SEMA5A: variants seen among roughly 807,000 people sequenced by gnomAD.
SEMA5A encodes the protein semaphorin-5A.
Under a neutral mutation model 135.5 loss-of-function variants are expected in SEMA5A, and 55 were observed. The ratio of observed to expected loss-of-function variants is 0.41; its 90% confidence interval spans 0.33 to 0.51. SEMA5A has a LOEUF of 0.51. SEMA5A is among the 20% of genes least tolerant of loss of function. SEMA5A has a pLI of 0.37. For missense variants in SEMA5A, 1,290 were observed against 1,419.9 expected (o/e 0.91, Z 1.47); for synonymous variants, 580 against 546.5 (o/e 1.06, Z -0.85).
chr5:9,089,263 G>A (rs764269232), intron 16 of SEMA5A, among the ~76,000 whole-genome samples: 30 of 152,136 alleles, frequency 2.0e-4, no homozygotes, highest in Non-Finnish European at 3.5e-4. Context: ...GAAAACAAGC[G>A]GCCATCCCTT....
At chr5:9,401,205 C>T (rs1250876685) in intron 2 of SEMA5A, among the ~76,000 whole-genome samples, 1 of 152,170 alleles carries the variant, frequency 6.6e-6, no homozygotes, top group South Asian at 2.1e-4. Context: ...CTGGAAGACC[C>T]AGTGAGCATG....
intron 1 of SEMA5A, among the ~76,000 whole-genome samples, chr5:9,507,514 G>A (rs1315303856): frequency 6.6e-6 from 1 of 152,158 alleles, no homozygotes; most frequent in Non-Finnish European, 1.5e-5. Flanking sequence ...GCCCTTTACA[G>A]GTTGTACTCC....
At chr5:9,409,767 C>A (rs189454281) in intron 2 of SEMA5A, among the ~76,000 whole-genome samples, 1 of 151,960 alleles carries the variant, frequency 6.6e-6, no homozygotes, top group African/African-American at 2.4e-5. Flanking sequence ...GGCATTAGAT[C>A]GGGGGGCTGT....
chr5:9,139,149 T>G (rs1031364340), intron 12 of SEMA5A, among the ~76,000 whole-genome samples: 7 of 152,220 alleles, frequency 4.6e-5, no homozygotes, highest in African/African-American at 1.7e-4. Flanking sequence ...GTGGTTCTAC[T>G]TTTAGTTCTT....
rs1461690892 is a variant in SEMA5A at position 9,424,194 on chromosome 5, G to A, written c.-78+13562C>T. On this transcript the variant is annotated intron_variant, in intron 2 of 22. Coordinates refer to ENST00000382496, the MANE Select transcript of SEMA5A (RefSeq NM_003966.3). ...TGTGAGAAAAAAAAAGGCAAAATAA[G>A]TGCTGAAAGGAACTCACATCAAATA... 3.9e-5 allele frequency among the ~76,000 whole-genome samples: 6 copies of A among 152,148 alleles called. No individual in the cohort carries two copies. In the East Asian group the frequency reaches 7.7e-4, roughly 20 times the overall value.
chr5:9,303,035 C>G (rs1012211865), intron 5 of SEMA5A, among the ~76,000 whole-genome samples: 2 of 151,874 alleles, frequency 1.3e-5, no homozygotes, highest in Non-Finnish European at 2.9e-5. Context: ...ATGGAAACAA[C>G]CACTTGCTAA....
intron 12 of SEMA5A, among the ~76,000 whole-genome samples, chr5:9,154,113 G>GTGTA (rs201260050): frequency 0.12 from 15,933 of 131,364 alleles, 1,653 homozygotes; most frequent in Non-Finnish European, 0.18. Context: ...GTGTATGTGT[G>GTGTA]TGTATGTATG....
chr5:9,235,622 C>T (rs1747865459), intron 6 of SEMA5A, among the ~76,000 whole-genome samples: 1 of 150,468 alleles, frequency 6.6e-6, no homozygotes, highest in Non-Finnish European at 1.5e-5. Flanking sequence ...GGTGGGGCCC[C>T]TCAGGTCTGG....
At chr5:9,476,987 G>A (rs953613136) in intron 1 of SEMA5A, among the ~76,000 whole-genome samples, 4 of 151,970 alleles carry the variant, frequency 2.6e-5, no homozygotes, top group African/African-American at 4.8e-5. Flanking sequence ...ATCTCATCTC[G>A]AAGTTTAATC....
At chr5:9,434,411 C>G (rs964662949) in intron 2 of SEMA5A, among the ~76,000 whole-genome samples, 2 of 152,026 alleles carry the variant, frequency 1.3e-5, no homozygotes, top group African/African-American at 4.8e-5. Flanking sequence ...TGAGCATTCA[C>G]TACATTAATG....
At chr5:9,234,827 C>T (rs1747813952) in intron 6 of SEMA5A, among the ~76,000 whole-genome samples, 1 of 152,104 alleles carries the variant, frequency 6.6e-6, no homozygotes, top group African/African-American at 2.4e-5. Context: ...ATTTGTTTCC[C>T]TCATTTGCTT....
intron 12 of SEMA5A, among the ~76,000 whole-genome samples, chr5:9,150,864 G>T (rs535369093): frequency 7.9e-5 from 12 of 152,332 alleles, no homozygotes; most frequent in African/African-American, 2.9e-4. Flanking sequence ...GTACTGACCA[G>T]CTCTGCCTCT....
At chr5:9,108,738 T>C (rs1329545803) in intron 15 of SEMA5A, among the ~76,000 whole-genome samples, 7 of 152,186 alleles carry the variant, frequency 4.6e-5, no homozygotes, top group Admixed American at 3.3e-4. Context: ...CCCATAGTTA[T>C]ATTAGGATAA....
chr5:9,431,532 G>A (rs10041870), intron 2 of SEMA5A, among the ~76,000 whole-genome samples: 78,807 of 151,850 alleles, frequency 0.52, 21,494 homozygotes, highest in Middle Eastern at 0.64. Context: ...AAACACACAT[G>A]AAACCCCCAC....
chr5:9,446,936 A>T (rs771037168), intron 1 of SEMA5A, among the ~76,000 whole-genome samples: 1 of 152,234 alleles, frequency 6.6e-6, no homozygotes, highest in Non-Finnish European at 1.5e-5. Context: ...CACATCTGAC[A>T]CCAAACCTTT....
chr5:9,149,420 G>C (rs1742511982), intron 12 of SEMA5A, among the ~76,000 whole-genome samples: 1 of 152,164 alleles, frequency 6.6e-6, no homozygotes, highest in Admixed American at 6.5e-5. Context: ...GAGGTGGGTG[G>C]ATCACCTGAG....
At chr5:9,371,299 G>A (rs40654) in intron 3 of SEMA5A, among the ~76,000 whole-genome samples, 38,134 of 151,822 alleles carry the variant, frequency 0.25, 4,993 homozygotes, top group African/African-American at 0.31. Context: ...AACCATTTTC[G>A]TCAGTCTAAT....
At chr5:9,462,233 T>TCA in intron 1 of SEMA5A, among the ~76,000 whole-genome samples, 1 of 152,258 alleles carries the variant, frequency 6.6e-6, no homozygotes, top group African/African-American at 2.4e-5. Flanking sequence ...GATCTCAACA[T>TCA]CACTGATCGT....
intron 16 of SEMA5A, among the ~76,000 whole-genome samples, chr5:9,088,538 G>C (rs1268305472): frequency 6.7e-6 from 1 of 149,462 alleles, no homozygotes; most frequent in Non-Finnish European, 1.5e-5. Flanking sequence ...TATTCAGATA[G>C]TACATTACAA....
Sources: allele counts gnomAD v4.1 joint callset (sites outside exome capture counted in the v4.1 genomes callset), GRCh38; gene constraint gnomAD v4.1.1; transcripts MANE v1.5; gene names NCBI Gene and HGNC (gene_info 2026-07-23, HGNC 2026-07-21).